The following PDZRN4 variants were observed in gnomAD, a reference collection of about 807,000 sequenced individuals.
The protein encoded by PDZRN4 is PDZ domain containing ring finger 4.
In PDZRN4, 70 loss-of-function variants were observed where a neutral mutation model predicts 99.0. The ratio of observed to expected loss-of-function variants is 0.71; its 90% CI spans 0.58 to 0.86. The LOEUF (loss-of-function observed/expected upper bound fraction) is 0.86, where lower values mean the gene tolerates loss of function less well. PDZRN4 is among the 40% of genes least tolerant of loss of function. The probability of loss-of-function intolerance (pLI) is 0.00; values close to 1 mark genes in which losing one functional copy is unlikely to be tolerated. For synonymous variants in PDZRN4, 551 were observed against 501.6 expected (o/e 1.10, Z -1.32); for missense variants, 1,474 against 1,331.2 (o/e 1.11, Z -1.67).
intron 6 of PDZRN4, among the ~76,000 whole-genome samples, chr12:41,553,873 C>G (rs568836084): frequency 4.6e-5 from 3 of 65,708 alleles, no homozygotes. Context: ...ATCTTGAAAA[C>G]GTTACCTAAA....
At chr12:41,512,975 AT>A (rs1401281657) in intron 5 of PDZRN4, among the ~76,000 whole-genome samples, 1 of 152,110 alleles carries the variant, frequency 6.6e-6, no homozygotes, top group Non-Finnish European at 1.5e-5. Flanking sequence ...TATAGACTGC[AT>A]TTCTGAACTT....
intron 3 of PDZRN4, among the ~76,000 whole-genome samples, chr12:41,355,571 CA>C (rs1310281954): frequency 6.6e-6 from 1 of 152,068 alleles, no homozygotes; most frequent in East Asian, 1.9e-4. Context: ...CATTTAATAA[CA>C]AAACATTTGC....
chr12:41,395,189 C>T (rs919227336), intron 3 of PDZRN4, among the ~76,000 whole-genome samples: 8 of 152,090 alleles, frequency 5.3e-5, no homozygotes, highest in Non-Finnish European at 1.0e-4. Context: ...TGCTATAGAT[C>T]CTTAAATACA....
intron 3 of PDZRN4, among the ~76,000 whole-genome samples, chr12:41,221,317 AGTGG>A (rs1251057978): frequency 6.6e-6 from 1 of 152,194 alleles, no homozygotes; most frequent in African/African-American, 2.4e-5. Context: ...AGTACGGTGA[AGTGG>A]GTGTGCTATT....
chr12:41,541,732 C>T (rs2120769616), intron 5 of PDZRN4, among the ~76,000 whole-genome samples: 1 of 152,098 alleles, frequency 6.6e-6, no homozygotes, highest in Admixed American at 6.5e-5. Flanking sequence ...GGATTACAGG[C>T]GTGAGCCACC....
intron 3 of PDZRN4, among the ~76,000 whole-genome samples, chr12:41,330,082 C>T (rs1419287147): frequency 6.6e-6 from 1 of 152,010 alleles, no homozygotes; most frequent in East Asian, 1.9e-4. Flanking sequence ...ATTTGATTTT[C>T]CATAACAATG....
chr12:41,231,706 A>G (rs1258911961), intron 3 of PDZRN4, among the ~76,000 whole-genome samples: 1 of 152,124 alleles, frequency 6.6e-6, no homozygotes. Context: ...GCCCAGCCCT[A>G]ACTTTGCTAT....
At chr12:41,280,222 A>G (rs1680703911) in intron 3 of PDZRN4, among the ~76,000 whole-genome samples, 1 of 152,150 alleles carries the variant, frequency 6.6e-6, no homozygotes, top group Non-Finnish European at 1.5e-5. Context: ...CAACCCACAG[A>G]CCAAGAGATT....
intron 3 of PDZRN4, among the ~76,000 whole-genome samples, chr12:41,397,877 T>C (rs183516382): frequency 1.3e-5 from 2 of 152,244 alleles, no homozygotes; most frequent in East Asian, 3.9e-4. Flanking sequence ...TGAGGCTGTG[T>C]CTTATGGTAA....
intron 3 of PDZRN4, among the ~76,000 whole-genome samples, chr12:41,324,862 G>A: frequency 6.6e-6 from 1 of 152,184 alleles, no homozygotes; most frequent in South Asian, 2.1e-4. Context: ...AATATTTGGA[G>A]TTAAATAAAA....
chr12:41,510,579 G>C (rs1430883584), intron 5 of PDZRN4, among the ~76,000 whole-genome samples: 1 of 152,068 alleles, frequency 6.6e-6, no homozygotes, highest in South Asian at 2.1e-4. Context: ...TCTTTGAAAG[G>C]TTTCAGACTA....
chr12:41,513,218 C>A (rs1938340070), intron 5 of PDZRN4, among the ~76,000 whole-genome samples: 1 of 152,044 alleles, frequency 6.6e-6, no homozygotes, highest in African/African-American at 2.4e-5. Context: ...CCCTTCAGAG[C>A]CACGGCAGAC....
chr12:41,376,883 C>A (rs909605005), intron 3 of PDZRN4, among the ~76,000 whole-genome samples: 13 of 152,094 alleles, frequency 8.5e-5, no homozygotes, highest in Non-Finnish European at 1.3e-4. Flanking sequence ...AGTTTTAATT[C>A]TATTTTGAGT....
chr12:41,209,181 G>A (rs927208233), intron 3 of PDZRN4, among the ~76,000 whole-genome samples: 2 of 151,860 alleles, frequency 1.3e-5, no homozygotes, highest in South Asian at 2.1e-4. Context: ...GGAAGCGGTG[G>A]TTTATTTTGA....
chr12:41,437,906 G>A, intron 3 of PDZRN4: 1 of 1,613,784 alleles, frequency 6.2e-7, no homozygotes, highest in Non-Finnish European at 8.5e-7. Flanking sequence ...TCAGTTCTGG[G>A]GAAATTAGAA....
chr12:41,244,985 C>A (rs1423398797), intron 3 of PDZRN4, among the ~76,000 whole-genome samples: 2 of 152,080 alleles, frequency 1.3e-5, no homozygotes, highest in Non-Finnish European at 2.9e-5. Flanking sequence ...CCACCGCGCC[C>A]GGCCCACACC....
chr12:41,478,125 G>GT (rs1373288550), intron 3 of PDZRN4, among the ~76,000 whole-genome samples: 2 of 151,552 alleles, frequency 1.3e-5, no homozygotes, highest in African/African-American at 2.4e-5. Flanking sequence ...TTTGTTTTTT[G>GT]TTTTTTTGGA....
chr12:41,280,191 A>G (rs1835293842), intron 3 of PDZRN4, among the ~76,000 whole-genome samples: 1 of 152,120 alleles, frequency 6.6e-6, no homozygotes, highest in South Asian at 2.1e-4. Flanking sequence ...CCTAGATACT[A>G]TGCTTTTCCC....
chr12:41,197,927 T>TTTTTC (rs1950787816), intron 3 of PDZRN4, among the ~76,000 whole-genome samples: 1 of 140,978 alleles, frequency 7.1e-6, no homozygotes, highest in African/African-American at 2.7e-5. Flanking sequence ...TGGGTTTTTT[T>TTTTTC]TTTTGGAGAC....
Sources: allele counts gnomAD v4.1 joint callset (sites outside exome capture counted in the v4.1 genomes callset), GRCh38; gene constraint gnomAD v4.1.1; transcripts MANE v1.5; gene names NCBI Gene and HGNC (gene_info 2026-07-23, HGNC 2026-07-21).